The following SCD variants were observed in gnomAD, a reference collection of about 807,000 sequenced individuals.
SCD encodes acyl-CoA desaturase.
A neutral mutation model predicts 35.7 loss-of-function variants in SCD; 4 were observed. The observed-to-expected ratio is 0.11, with a 90% CI of 0.06 to 0.26. SCD has a LOEUF of 0.26. Ranked by LOEUF, SCD falls within the 10% of genes least tolerant of loss-of-function variation. SCD has a pLI of 1.00. For synonymous variants in SCD, 150 were observed against 170.2 expected, an observed-to-expected ratio of 0.88 and a Z score of 0.92; for missense variants, 282 against 460.7, an observed-to-expected ratio of 0.61 and a Z score of 3.55.
intron 1 of SCD, 115 bp from the exon 2 acceptor site, chr10:100,347,949 C>A: frequency 9.7e-7 from 1 of 1,033,658 alleles, no homozygotes; most frequent in Non-Finnish European, 1.4e-6. Context: ...TGAACTACGG[C>A]GCTGCGGAAG....
Position 100,362,267 on chromosome 10 carries a change from G to A in SCD, c.*1334G>A, listed in dbSNP as rs183444946. 2.4e-4 allele frequency: 36 copies of A among 152,272 alleles called. No homozygotes were observed. Among genetic ancestry groups the A allele is most frequent in the African/African-American group, 8.7e-4 (36 of 41,552 alleles). 9.4% of individuals were successfully genotyped at this position (152,272 alleles called of 1,614,324 possible). ...AAGGTTACTGAGTGAGTTATTGGGAGTCTTAATAAAATAAACTAGATATTA... is the reference window on the plus strand; with the variant it reads ...AAGGTTACTGAGTGAGTTATTGGGAATCTTAATAAAATAAACTAGATATTA... On this transcript the variant is annotated 3_prime_UTR_variant, in exon 6 of 6. Coordinates refer to ENST00000370355, the MANE Select transcript of SCD (RefSeq NM_005063.5).
At position 100,347,494 on chromosome 10, in the gene SCD, C is replaced by T. The variant is rs1054411; in HGVS notation, c.-11C>T. 27 of 1,613,558 alleles carry T rather than the reference C, an allele frequency of 1.7e-5. No homozygotes were observed. The South Asian group carries it at 2.9e-4, about 17-fold the overall frequency. On this transcript the variant is annotated 5_prime_UTR_variant, in exon 1 of 6. Coordinates refer to ENST00000370355, the MANE Select transcript of SCD (RefSeq NM_005063.5). Reference sequence around the variant, plus strand: ...CCCCCTGGAAAGTGATCCCGGCATCCGAGAGCCAAGATGCCGGCCCACTTG... The same window carrying T: ...CCCCCTGGAAAGTGATCCCGGCATCTGAGAGCCAAGATGCCGGCCCACTTG...
intron 5 of SCD, 55 bp from the exon 6 acceptor site, chr10:100,360,679 A>C: frequency 3.9e-6 from 6 of 1,527,656 alleles, no homozygotes; most frequent in Non-Finnish European, 5.4e-6. Context: ...TGGTGTGCAC[A>C]AATCAAGAAA....
intron 5 of SCD, among the ~76,000 whole-genome samples, chr10:100,357,035 C>T (rs183155337): frequency 1.2e-3 from 188 of 152,298 alleles, no homozygotes; most frequent in African/African-American, 4.0e-3. Flanking sequence ...ATGTATGCTC[C>T]GGGCCCGGCG....
chr10:100,349,328 A>C (rs986814383), intron 2 of SCD, among the ~76,000 whole-genome samples: 1 of 152,134 alleles, frequency 6.6e-6, no homozygotes, highest in Non-Finnish European at 1.5e-5. Context: ...CTCTGTCACT[A>C]TGAGCCTAAG....
rs535202227 is a variant in SCD, at chr10:100,359,438, T to C, written c.881-1296T>C. ...TACCCGTTGACCCTCTTCTTTTTTT[T>C]TCCTCCCTTGTCTCTGTGTGCATCT... On this transcript the variant is annotated intron_variant, in intron 5 of 5. Transcript: ENST00000370355. Among the ~76,000 whole-genome samples, 7 of 152,314 alleles carry C rather than the reference T, an allele frequency of 4.6e-5. No homozygotes were observed. The East Asian group carries it at 1.3e-3, about 29-fold the overall frequency.
chr10:100,355,413 G>A (rs1002707292), intron 4 of SCD, among the ~76,000 whole-genome samples: 2 of 152,206 alleles, frequency 1.3e-5, no homozygotes, highest in African/African-American at 4.8e-5. Context: ...GCATGTTCCA[G>A]CAATAGAGTC....
rs1198640138 is a variant in SCD, at chr10:100,352,592, A to T, written c.441+96A>T. The T allele has an allele frequency of 8.3e-7, 1 of 1,205,088 alleles. No individual in the cohort carries two copies. The highest frequency in any genetic ancestry group is 1.2e-6 in the Non-Finnish European group (1 of 837,396). 74.6% of individuals were successfully genotyped at this position (1,205,088 alleles called of 1,614,324 possible). On this transcript the variant is annotated intron_variant, in intron 3 of 5. Transcript: ENST00000370355. The surrounding 1 kb of genome is among the most constrained non-coding windows in gnomAD (Gnocchi z 4.2). ...CAGCACCAGAGAGGAGCCACACCTG[A>T]CAGCCATTTCACTTTCCTCTCTCCT...
At position 100,352,609 on chromosome 10, in the gene SCD, C is replaced by T. The variant is rs1253303777; in HGVS notation, c.441+113C>T. ...CACACCTGACAGCCATTTCACTTTC[C>T]TCTCTCCTGTAGTCACCTCAAGTTC... is the stretch of plus-strand genomic sequence containing the variant. On this transcript the variant is annotated intron_variant, in intron 3 of 5. Coordinates refer to ENST00000370355, the MANE Select transcript of SCD (RefSeq NM_005063.5). The surrounding 1 kb of genome is among the most constrained non-coding windows in gnomAD (Gnocchi z 4.2). 3 of 1,025,744 alleles carry T rather than the reference C, an allele frequency of 2.9e-6. No individual in the cohort carries two copies. Among genetic ancestry groups the T allele is most frequent in the African/African-American group, 3.1e-5 (2 of 63,568 alleles). The allele number at this position is 1,025,744 out of a possible 1,614,324, so 63.5% of individuals were successfully genotyped here.
intron 2 of SCD, among the ~76,000 whole-genome samples, chr10:100,351,761 C>T (rs1849875280): frequency 6.6e-6 from 1 of 152,178 alleles, no homozygotes; most frequent in Admixed American, 6.5e-5. Context: ...CCACCTCAAC[C>T]TCTTGAGTAG....
Position 100,354,562 on chromosome 10 carries a change from G to A in SCD, c.577G>A (p.Val193Ile). The part of the protein sequence containing the change: ...GWLLVRKHPA[V>I]KEKGSTLDLS... ...GCTGCTTGTGCGCAAACACCCAGCT[G>A]TCAAAGAGAAGGGGAGTACGCTAGA... is the stretch of plus-strand genomic sequence containing the variant. The change falls in exon 4 of 6, where the codon GTC becomes ATC. Residue 193 changes from valine to isoleucine, a missense_variant. By Grantham distance (29) the Val-to-Ile change is conservative. Coordinates refer to ENST00000370355, the MANE Select transcript of SCD (RefSeq NM_005063.5). The A allele has an allele frequency of 6.2e-7, 1 of 1,614,176 alleles. No homozygotes were observed. Among genetic ancestry groups the A allele is most frequent in the Non-Finnish European group, 8.5e-7 (1 of 1,180,036 alleles).
chr10:100,354,188 C>T (rs1849902107), intron 3 of SCD, among the ~76,000 whole-genome samples: 1 of 152,226 alleles, frequency 6.6e-6, no homozygotes, highest in Non-Finnish European at 1.5e-5. Context: ...ATATAACTTT[C>T]AAGAAACAGC....
In SCD at chr10:100,363,200, A is replaced by G. The variant is rs954015721; in HGVS notation, c.*2267A>G. ...ACCAGCATTCCCTACAGCCTAGGGCAGACAATAGTATAGAAGTCTGGAAAA... is the reference window on the plus strand; with the variant it reads ...ACCAGCATTCCCTACAGCCTAGGGCGGACAATAGTATAGAAGTCTGGAAAA... On this transcript the variant is annotated 3_prime_UTR_variant, in exon 6 of 6. Coordinates refer to ENST00000370355, the MANE Select transcript of SCD (RefSeq NM_005063.5). The G allele has an allele frequency of 1.3e-5, 2 of 152,284 alleles. No individual in the cohort carries two copies. Among genetic ancestry groups the G allele is most frequent in the African/African-American group, 4.8e-5 (2 of 41,460 alleles). The allele number at this position is 152,284 out of a possible 1,614,324, so 9.4% of individuals were successfully genotyped here.
At chr10:100,347,937 A>T in intron 1 of SCD, 127 bp from the exon 2 acceptor site, 7 of 931,758 alleles carry the variant, frequency 7.5e-6, no homozygotes, top group Non-Finnish European at 1.6e-6. Context: ...CCCTACCCTC[A>T]GTGAACTACG....
chr10:100,355,082 C>T lies in SCD; in HGVS notation c.647+450C>T, dbSNP rs569304721. On this transcript the variant is annotated intron_variant, in intron 4 of 5. Coordinates refer to ENST00000370355, the MANE Select transcript of SCD (RefSeq NM_005063.5). ...AGTATCTGGGACTACAGGCACACAC[C>T]GCCATGCCTGGCTAATTTTTTGTGG... Among the ~76,000 whole-genome samples the T allele has an allele frequency of 1.8e-4, 28 of 152,302 alleles. No individual in the cohort carries two copies. In the East Asian group the frequency reaches 3.9e-3, roughly 21 times the overall value.
Position 100,356,799 on chromosome 10 carries a change from G to A in SCD, c.880+35G>A. ...CTGTCCAAGTAAGACTACATCCAGT[G>A]GTCTGCTGATTAGGGGATTAGGCTA... On this transcript the variant is annotated intron_variant, in intron 5 of 5. Transcript: ENST00000370355. This position sits in a 1 kb window ranked among gnomAD's most constrained non-coding sequence, Gnocchi z 4.1. 6 of 1,521,850 alleles carry A rather than the reference G, an allele frequency of 3.9e-6. No individual in the cohort carries two copies. The African/African-American group carries it at 4.1e-5, about 10-fold the overall frequency. The allele number at this position is 1,521,850 out of a possible 1,614,324, so 94.3% of individuals were successfully genotyped here.
At position 100,358,716 on chromosome 10, in the gene SCD, C is replaced by G. The variant is rs544984720; in HGVS notation, c.880+1952C>G. ...TTGAGGTCAGGAGTTAGAGATCAGC[C>G]AGGCCAATATGGTGAACCTCTGTCT... On this transcript the variant is annotated intron_variant, in intron 5 of 5. Coordinates refer to ENST00000370355, the MANE Select transcript of SCD (RefSeq NM_005063.5). Among the ~76,000 whole-genome samples, 482 of 142,504 alleles carry G rather than the reference C, an allele frequency of 3.4e-3. 3 individuals carry two copies. Among genetic ancestry groups the G allele is most frequent in the Admixed American group, 7.0e-3 (98 of 13,902 alleles). 93.5% of individuals were successfully genotyped at this position (142,504 alleles called of 152,430 possible).
At chr10:100,359,282 C>G (rs1849964807) in intron 5 of SCD, among the ~76,000 whole-genome samples, 1 of 152,098 alleles carries the variant, frequency 6.6e-6, no homozygotes, top group African/African-American at 2.4e-5. Context: ...TCCTGCCACC[C>G]TAATCTTTTT....
chr10:100,350,699 G>A (rs577488167), intron 2 of SCD, among the ~76,000 whole-genome samples: 38 of 152,300 alleles, frequency 2.5e-4, no homozygotes, highest in African/African-American at 7.2e-4. Flanking sequence ...TCTTATATAC[G>A]TTCTGAGTCA....
Sources: gnomAD v4.1 joint callset for allele counts (sites outside exome capture counted in the v4.1 genomes callset) on GRCh38, gnomAD v4.1.1 for gene constraint, Gnocchi (gnomAD v3.1) non-coding constraint, MANE v1.5 for transcripts, NCBI Gene and HGNC (gene_info 2026-07-23, HGNC 2026-07-21) for gene names.